KSR2: variants seen among roughly 807,000 people sequenced by gnomAD.
KSR2 encodes the protein kinase suppressor of ras 2.
Under a neutral mutation model 107.8 loss-of-function variants are expected in KSR2, and 25 were observed. That is an observed-to-expected ratio of 0.23 (90% CI 0.17 to 0.32). KSR2 has a LOEUF of 0.32. KSR2 is among the 10% of genes least tolerant of loss of function. The pLI is 1.00. For missense variants in KSR2, 887 were observed against 1,268.9 expected (o/e 0.70, Z 4.57); for synonymous variants, 480 against 507.0 (o/e 0.95, Z 0.71).
At chr12:117,500,703 C>T (rs182235829) in intron 14 of KSR2, among the ~76,000 whole-genome samples, 22 of 152,312 alleles carry the variant, frequency 1.4e-4, no homozygotes, top group African/African-American at 3.1e-4. Context: ...CTCATTCTAC[C>T]CACACAAGAG....
chr12:117,815,697 G>A (rs1049180001), intron 3 of KSR2, among the ~76,000 whole-genome samples: 6 of 151,712 alleles, frequency 4.0e-5, no homozygotes, highest in African/African-American at 1.5e-4. Flanking sequence ...TGTGGGGGGC[G>A]CAGACGCAGT....
chr12:117,960,131 C>T (rs1896618572), intron 1 of KSR2, among the ~76,000 whole-genome samples: 1 of 151,858 alleles, frequency 6.6e-6, no homozygotes. Context: ...GTTCCCTCTG[C>T]CTGGCACACT....
intron 3 of KSR2, among the ~76,000 whole-genome samples, chr12:117,851,956 A>T (rs1436424014): frequency 6.6e-6 from 1 of 152,124 alleles, no homozygotes; most frequent in African/African-American, 2.4e-5. Context: ...ACAGGAATGA[A>T]TTTACAACAT....
chr12:117,928,257 G>A (rs558907086), intron 1 of KSR2, among the ~76,000 whole-genome samples: 42 of 150,382 alleles, frequency 2.8e-4, no homozygotes, highest in African/African-American at 1.0e-3. Context: ...TCAGCTCACT[G>A]CAACCTCTGC....
chr12:117,916,105 T>C (rs910147661), intron 1 of KSR2, among the ~76,000 whole-genome samples: 4 of 151,862 alleles, frequency 2.6e-5, no homozygotes, highest in Admixed American at 6.6e-5. Context: ...TCTACAAGAC[T>C]TTTTAAATTT....
At chr12:117,829,392 C>A (rs1352308259) in intron 3 of KSR2, among the ~76,000 whole-genome samples, 1 of 152,168 alleles carries the variant, frequency 6.6e-6, no homozygotes, top group Non-Finnish European at 1.5e-5. Flanking sequence ...CTTGTTTTAC[C>A]CTCTGTGCCA....
At chr12:117,740,332 A>ATATAT (rs1451418469) in intron 4 of KSR2, among the ~76,000 whole-genome samples, 1 of 136,692 alleles carries the variant, frequency 7.3e-6, no homozygotes, top group African/African-American at 2.6e-5. Flanking sequence ...TATACATTAT[A>ATATAT]TATATGTTAT....
chr12:117,709,523 T>C (rs1886667143), intron 4 of KSR2, among the ~76,000 whole-genome samples: 2 of 152,226 alleles, frequency 1.3e-5, no homozygotes, highest in South Asian at 2.1e-4. Context: ...AGGGTCTTAC[T>C]ATCTTGCTCG....
chr12:117,896,604 C>T (rs905358381), intron 1 of KSR2, among the ~76,000 whole-genome samples: 16 of 152,012 alleles, frequency 1.1e-4, no homozygotes, highest in African/African-American at 3.6e-4. Context: ...GGATTCCAGG[C>T]GTGTGCCACC....
intron 3 of KSR2, among the ~76,000 whole-genome samples, chr12:117,817,312 ACT>A (rs933507255): frequency 1.0e-3 from 157 of 152,164 alleles, no homozygotes; most frequent in African/African-American, 3.6e-3. Context: ...ACTTCATTAG[ACT>A]CTGAGTGTGT....
chr12:117,772,711 C>G (rs1027897224), intron 3 of KSR2, among the ~76,000 whole-genome samples: 41 of 148,350 alleles, frequency 2.8e-4, no homozygotes, highest in African/African-American at 9.9e-4. Flanking sequence ...CAAAGATGCA[C>G]AAACACACAC....
At chr12:117,928,445 A>C (rs897101079) in intron 1 of KSR2, among the ~76,000 whole-genome samples, 7 of 152,140 alleles carry the variant, frequency 4.6e-5, no homozygotes, top group Non-Finnish European at 4.4e-5. Flanking sequence ...GGGCCTCCCA[A>C]AGTGCTGGGA....
intron 4 of KSR2, among the ~76,000 whole-genome samples, chr12:117,752,930 G>A (rs1159933732): frequency 6.6e-6 from 1 of 152,210 alleles, no homozygotes; most frequent in Non-Finnish European, 1.5e-5. Flanking sequence ...CCCCAACAAC[G>A]TGGCTGTGGG....
At chr12:117,674,230 A>G in intron 4 of KSR2, 1 of 478,734 alleles carries the variant, frequency 2.1e-6, no homozygotes, top group East Asian at 6.0e-5. Flanking sequence ...TGAGTTCATT[A>G]CTCTCCATCT....
intron 3 of KSR2, among the ~76,000 whole-genome samples, chr12:117,793,784 C>G (rs1423009123): frequency 1.4e-5 from 2 of 142,638 alleles, no homozygotes; most frequent in Non-Finnish European, 3.0e-5. Context: ...CATGCACACA[C>G]CAACATGCAC....
At chr12:117,786,165 T>C (rs1308231860) in intron 3 of KSR2, among the ~76,000 whole-genome samples, 1 of 150,984 alleles carries the variant, frequency 6.6e-6, no homozygotes, top group Non-Finnish European at 1.5e-5. Context: ...CTAGAACATC[T>C]TTTTTTTTGC....
rs1041196338 is a variant in KSR2 at position 117,836,886 on chromosome 12, A to G, written c.472+18542T>C. On this transcript the variant is annotated intron_variant, in intron 3 of 19. Transcript: ENST00000339824. The stretch of plus-strand genomic sequence containing the variant: ...CCAGGCCGGGCCCCAAGCTCTTTCC[A>G]GATGTCTCCCAAGGGAATGAAGCCA... Among the ~76,000 whole-genome samples the G allele has an allele frequency of 7.2e-5, 11 of 152,364 alleles. No individual in the cohort carries two copies. The East Asian group carries it at 1.7e-3, about 24-fold the overall frequency.
chr12:117,656,308 G>C (rs1384731370), intron 5 of KSR2, among the ~76,000 whole-genome samples: 1 of 152,128 alleles, frequency 6.6e-6, no homozygotes, highest in East Asian at 1.9e-4. Flanking sequence ...TGCATTTCTG[G>C]TTATATGAAG....
chr12:117,688,400 A>G (rs1328778961), intron 4 of KSR2, among the ~76,000 whole-genome samples: 1 of 152,252 alleles, frequency 6.6e-6, no homozygotes, highest in Non-Finnish European at 1.5e-5. Context: ...CTATAGCTCA[A>G]TTTTTTCACT....
Sources: gnomAD v4.1 joint callset for allele counts (sites outside exome capture counted in the v4.1 genomes callset) on GRCh38, gnomAD v4.1.1 for gene constraint, MANE v1.5 for transcripts, NCBI Gene and HGNC (gene_info 2026-07-23, HGNC 2026-07-21) for gene names.